The following ARHGAP26 variants were observed in gnomAD, a reference collection of about 807,000 sequenced individuals.
ARHGAP26 encodes the protein rho GTPase-activating protein 26.
ARHGAP26 carries 38 observed loss-of-function variants against 104.8 expected under a neutral mutation model. The observed-to-expected ratio is 0.36, with a 90% CI of 0.28 to 0.48. ARHGAP26 has a LOEUF of 0.48. ARHGAP26 is among the 20% of genes least tolerant of loss of function. The probability of loss-of-function intolerance (pLI) is 0.99; values close to 1 mark genes in which losing one functional copy is unlikely to be tolerated. For synonymous variants in ARHGAP26, 341 were observed against 340.0 expected (o/e 1.00, Z -0.03); for missense variants, 704 against 947.9 (o/e 0.74, Z 3.38).
chr5:143,119,956 G>GA (rs1795947997), intron 17 of ARHGAP26, among the ~76,000 whole-genome samples: 4 of 151,744 alleles, frequency 2.6e-5, no homozygotes, highest in Admixed American at 2.6e-4. Context: ...AGAATTGTGT[G>GA]AAAAAATACT....
intron 1 of ARHGAP26, among the ~76,000 whole-genome samples, chr5:142,814,629 A>T (rs1213830808): frequency 2.6e-5 from 4 of 152,216 alleles, no homozygotes; most frequent in African/African-American, 9.7e-5. Flanking sequence ...GGAAGTACTG[A>T]CATGGTAGCT....
At chr5:143,067,057 T>G (rs1029085350) in intron 17 of ARHGAP26, among the ~76,000 whole-genome samples, 2 of 151,814 alleles carry the variant, frequency 1.3e-5, no homozygotes, top group Admixed American at 6.6e-5. Flanking sequence ...CGCTTCTGCT[T>G]CTTGGTGTCG....
intron 11 of ARHGAP26, among the ~76,000 whole-genome samples, chr5:143,009,433 G>A (rs754962142): frequency 6.6e-6 from 1 of 152,194 alleles, no homozygotes; most frequent in Non-Finnish European, 1.5e-5. Flanking sequence ...CCAGCTGTCT[G>A]ACCTTGGCCA....
intron 1 of ARHGAP26, among the ~76,000 whole-genome samples, chr5:142,781,357 T>C (rs1434632361): frequency 7.7e-6 from 1 of 129,036 alleles, no homozygotes; most frequent in Non-Finnish European, 1.5e-5. Flanking sequence ...AAGTTTGATA[T>C]GGTTAACTTT....
chr5:142,782,919 A>G (rs756661488), intron 1 of ARHGAP26, among the ~76,000 whole-genome samples: 14 of 152,248 alleles, frequency 9.2e-5, no homozygotes, highest in Non-Finnish European at 1.5e-4. Context: ...AATTCCCCTA[A>G]CTGCAGATTC....
chr5:143,032,976 T>C (rs1364098947), intron 12 of ARHGAP26, among the ~76,000 whole-genome samples: 1 of 152,242 alleles, frequency 6.6e-6, no homozygotes, highest in African/African-American at 2.4e-5. Flanking sequence ...TTGAATTCCT[T>C]GTTGGAGAAA....
intron 17 of ARHGAP26, among the ~76,000 whole-genome samples, chr5:143,099,024 A>G (rs6580270): frequency 0.091 from 13,914 of 152,226 alleles, 1,154 homozygotes; most frequent in East Asian, 0.28. Context: ...CACAATGCTG[A>G]AAAAAGGTCA....
At chr5:143,075,493 G>A (rs963870343) in intron 17 of ARHGAP26, among the ~76,000 whole-genome samples, 1 of 152,040 alleles carries the variant, frequency 6.6e-6, no homozygotes, top group Non-Finnish European at 1.5e-5. Flanking sequence ...CCATAGTAGG[G>A]ACGTTTGGTT....
chr5:142,993,327 G>A (rs988752722), intron 11 of ARHGAP26, among the ~76,000 whole-genome samples: 43 of 151,866 alleles, frequency 2.8e-4, no homozygotes, highest in Non-Finnish European at 4.4e-4. Context: ...CCGCCACCGC[G>A]CCCGGCTAAT....
intron 1 of ARHGAP26, among the ~76,000 whole-genome samples, chr5:142,815,153 G>T (rs1764852725): frequency 6.6e-6 from 1 of 152,038 alleles, no homozygotes; most frequent in South Asian, 2.1e-4. Context: ...GACCAGCGCT[G>T]CTACACCTGG....
intron 1 of ARHGAP26, among the ~76,000 whole-genome samples, chr5:142,831,241 ATC>A (rs1262831752): frequency 3.9e-5 from 6 of 152,146 alleles, no homozygotes; most frequent in Admixed American, 2.0e-4. Flanking sequence ...GTCATTTGAT[ATC>A]TCTCTGCCTC....
intron 1 of ARHGAP26, among the ~76,000 whole-genome samples, chr5:142,856,394 G>A (rs1752357732): frequency 6.6e-6 from 1 of 152,272 alleles, no homozygotes; most frequent in Non-Finnish European, 1.5e-5. Flanking sequence ...TGTTTGGCCA[G>A]TGGGAGGGTG....
chr5:142,882,652 G>T (rs1174203647), intron 4 of ARHGAP26, among the ~76,000 whole-genome samples: 2 of 152,234 alleles, frequency 1.3e-5, no homozygotes, highest in East Asian at 3.8e-4. Context: ...AGGTTTAGGT[G>T]ATGAGCTCAC....
In ARHGAP26 at chr5:142,963,219, T is replaced by C. The variant is rs957607791; in HGVS notation, c.1107+31094T>C. On this transcript the variant is annotated intron_variant, in intron 11 of 22. Coordinates refer to ENST00000645722, the MANE Select transcript of ARHGAP26 (RefSeq NM_001135608.3). ...ATATATGTGTGTGTGTGTGTGTGTG[T>C]GCGCGTGTGTGTGTGTACCACATTT... Among the ~76,000 whole-genome samples, 829 of 127,964 alleles carry C rather than the reference T, an allele frequency of 6.5e-3. 23 individuals are homozygous for C. Among genetic ancestry groups the C allele is most frequent in the African/African-American group, 0.011 (307 of 28,006 alleles). The allele number at this position is 127,964 out of a possible 152,430, so 83.9% of individuals were successfully genotyped here. A position where few individuals can be genotyped will look rare whatever the true frequency, so the allele number is the denominator to read the frequency against.
At chr5:142,833,833 A>G (rs1769006446) in intron 1 of ARHGAP26, among the ~76,000 whole-genome samples, 2 of 152,198 alleles carry the variant, frequency 1.3e-5, no homozygotes, top group African/African-American at 4.8e-5. Flanking sequence ...TTTGTAAGTA[A>G]TTTACCTCGT....
chr5:143,178,634 A>G (rs1250102718), intron 20 of ARHGAP26, among the ~76,000 whole-genome samples: 1 of 152,168 alleles, frequency 6.6e-6, no homozygotes, highest in Non-Finnish European at 1.5e-5. Context: ...CTGTCGTTGT[A>G]CTTAACAACA....
intron 11 of ARHGAP26, among the ~76,000 whole-genome samples, chr5:143,005,099 A>G (rs989691004): frequency 1.3e-5 from 2 of 152,150 alleles, no homozygotes; most frequent in Non-Finnish European, 2.9e-5. Flanking sequence ...AAAAAAAATT[A>G]CCACAACCCT....
At chr5:143,029,700 T>G (rs886399375) in intron 12 of ARHGAP26, among the ~76,000 whole-genome samples, 2 of 152,146 alleles carry the variant, frequency 1.3e-5, no homozygotes, top group Admixed American at 6.5e-5. Context: ...AGAGCCAGGG[T>G]GCTCAACCTC....
chr5:143,222,312 A>ATCTG, intron 22 of ARHGAP26, 46 bp from the exon 23 acceptor site: 5 of 1,390,664 alleles, frequency 3.6e-6, no homozygotes, highest in Non-Finnish European at 4.9e-6. Flanking sequence ...CGCCTGCTCT[A>ATCTG]TCTGTAATGC....
Sources: gnomAD v4.1 joint callset for allele counts (sites outside exome capture counted in the v4.1 genomes callset) on GRCh38, gnomAD v4.1.1 for gene constraint, MANE v1.5 for transcripts, NCBI Gene and HGNC (gene_info 2026-07-23, HGNC 2026-07-21) for gene names.